COL28A1: variants seen among roughly 807,000 people sequenced by gnomAD.
COL28A1 encodes the protein collagen type XXVIII alpha 1 chain.
A neutral mutation model predicts 150.2 loss-of-function variants in COL28A1; 161 were observed. The observed-to-expected ratio is 1.07, with a 90% CI of 0.94 to 1.22. COL28A1 has a LOEUF of 1.22. Among genes scored for constraint, COL28A1 ranks in the 50% most tolerant of loss-of-function variants. The pLI, the probability that COL28A1 is intolerant of heterozygous loss-of-function variation, is 0.00. For synonymous variants in COL28A1, 552 were observed against 469.7 expected (o/e 1.18, Z -2.26); for missense variants, 1,617 against 1,388.3 (o/e 1.16, Z -2.62).
intron 27 of COL28A1, among the ~76,000 whole-genome samples, chr7:7,387,730 A>G (rs1038230554): frequency 1.3e-5 from 2 of 152,222 alleles, no homozygotes; most frequent in African/African-American, 4.8e-5. Context: ...TCAAAATAAA[A>G]GTTAAACATT....
At chr7:7,537,445 T>C (rs1782683634), upstream of COL28A1, among the ~76,000 whole-genome samples, 2 of 152,220 alleles carry the variant, frequency 1.3e-5, no homozygotes, top group South Asian at 4.1e-4. Context: ...AAAATGACAT[T>C]GAACAAAATA....
intron 27 of COL28A1, among the ~76,000 whole-genome samples, chr7:7,408,129 G>A (rs745790094): frequency 4.6e-5 from 7 of 151,784 alleles, no homozygotes; most frequent in Non-Finnish European, 8.8e-5. Context: ...CTTTCTTAGA[G>A]CAGGGTAGGC....
intron 6 of COL28A1, among the ~76,000 whole-genome samples, chr7:7,518,740 C>A (rs1233404104): frequency 6.6e-6 from 1 of 152,032 alleles, no homozygotes; most frequent in Non-Finnish European, 1.5e-5. Context: ...TTTTAAACGT[C>A]AAAACACACA....
intron 33 of COL28A1, among the ~76,000 whole-genome samples, chr7:7,369,603 A>G (rs948010866): frequency 6.6e-6 from 1 of 152,198 alleles, no homozygotes; most frequent in African/African-American, 2.4e-5. Flanking sequence ...GTTGGTTACT[A>G]TTTAATCAAA....
chr7:7,399,206 T>C (rs915099850), intron 27 of COL28A1, among the ~76,000 whole-genome samples: 1 of 152,148 alleles, frequency 6.6e-6, no homozygotes, highest in Non-Finnish European at 1.5e-5. Flanking sequence ...ATTCTTTTTG[T>C]GTTCTGACCT....
intron 11 of COL28A1, among the ~76,000 whole-genome samples, chr7:7,504,455 A>G (rs1780699076): frequency 6.6e-6 from 1 of 152,190 alleles, no homozygotes; most frequent in East Asian, 1.9e-4. Flanking sequence ...GGTTATGATC[A>G]TGCCACTGTA....
At chr7:7,506,774 G>C (rs1365676718) in intron 10 of COL28A1, among the ~76,000 whole-genome samples, 1 of 152,074 alleles carries the variant, frequency 6.6e-6, no homozygotes, top group African/African-American at 2.4e-5. Context: ...CTACATTATA[G>C]TAGCAGTGCA....
At position 7,370,762 on chromosome 7, in the gene COL28A1, T is replaced by C. The variant is rs2128282987; in HGVS notation, c.3029A>G (p.Glu1010Gly). 1 of 1,613,848 alleles carries C rather than the reference T, an allele frequency of 6.2e-7. No individual in the cohort carries two copies. Among genetic ancestry groups the C allele is most frequent in the South Asian group, 1.1e-5 (1 of 91,004 alleles). Reference sequence around the variant, plus strand: ...TTCTTTTTGAGGCTCTGGAGTAGATTCACTGAGTTCTTCCCCTGACATCCC... The same window carrying C: ...TTCTTTTTGAGGCTCTGGAGTAGATCCACTGAGTTCTTCCCCTGACATCCC... ...GFGMSGEELS[E>G]STPEPQKEIS... is the part of the protein sequence containing the mutation. Residue 1010 changes from glutamate (E) to glycine (G), a missense_variant, in exon 33 of 35, where the codon GAA (glutamate) becomes GGA (glycine). Glu to Gly is a moderately conservative substitution (Grantham distance 98). Transcript: ENST00000399429.
At chr7:7,504,861 T>C (rs1274324603) in intron 11 of COL28A1, among the ~76,000 whole-genome samples, 1 of 152,192 alleles carries the variant, frequency 6.6e-6, no homozygotes, top group Non-Finnish European at 1.5e-5. Context: ...AAAATTGTCA[T>C]CTTAGGTAAT....
chr7:7,510,281 T>C (rs1781053540), intron 9 of COL28A1, among the ~76,000 whole-genome samples: 2 of 152,036 alleles, frequency 1.3e-5, no homozygotes, highest in African/African-American at 4.8e-5. Flanking sequence ...CATTATTGAT[T>C]GATTGATTGA....
chr7:7,433,147 T>C lies in COL28A1; in HGVS notation c.1861-447A>G, dbSNP rs573494933. On this transcript the variant is annotated intron_variant, in intron 23 of 34. Transcript: ENST00000399429. ...AAAAGTTGTAAATATTGTTTTACAGTGATGACCTTAGGCATCAAAAACTTT... is the reference window on the plus strand; with the variant it reads ...AAAAGTTGTAAATATTGTTTTACAGCGATGACCTTAGGCATCAAAAACTTT... Among the ~76,000 whole-genome samples, 6 of 152,296 alleles carry C rather than the reference T, an allele frequency of 3.9e-5. No individual in the cohort carries two copies. The South Asian group carries it at 1.2e-3, about 32-fold the overall frequency.
intron 7 of COL28A1, 28 bp downstream of exon 7, chr7:7,517,768 T>C (rs1781496043): frequency 6.2e-7 from 1 of 1,613,144 alleles, no homozygotes. Context: ...ATCACTTTCT[T>C]AGGAAGGCAT....
chr7:7,425,554 C>T lies in COL28A1; in HGVS notation c.1999-5601G>A, dbSNP rs549632015. On this transcript the variant is annotated intron_variant, in intron 25 of 34. Transcript: ENST00000399429. The stretch of plus-strand genomic sequence containing the variant: ...TAATCCTTGGTTTTGCGGTTTACTC[C>T]AATGTGTTAATTGACTTCATTCCAG... 5.3e-5 allele frequency among the ~76,000 whole-genome samples: 8 copies of T among 152,290 alleles called. No homozygotes were observed. In the East Asian group the frequency reaches 1.3e-3, roughly 26 times the overall value.
chr7:7,437,424 T>C lies in COL28A1; in HGVS notation c.1761A>G (p.Gly587=). 1.2e-6 allele frequency: 2 copies of C among 1,613,652 alleles called. No homozygotes were observed. Among genetic ancestry groups the C allele is most frequent in the African/African-American group, 2.7e-5 (2 of 75,032 alleles). The change falls in exon 22 of 35, where the codon GGA becomes GGG. Residue 587 remains glycine, a synonymous_variant. Transcript: ENST00000399429. ...PGIMGPFGMP[G]TSIPGPPGPK... is the part of the protein sequence containing the mutation. ...GCCCAGGTGGTCCAGGAATTGATGT[T>C]CCAGGCATTCCAAAAGGGCCCATAA...
chr7:7,510,067 C>G (rs992690941), intron 9 of COL28A1, among the ~76,000 whole-genome samples: 1 of 152,058 alleles, frequency 6.6e-6, no homozygotes, highest in Non-Finnish European at 1.5e-5. Context: ...CCTTGACTCC[C>G]TTCCAGAATT....
chr7:7,448,259 C>T (rs1786419425), intron 18 of COL28A1, among the ~76,000 whole-genome samples: 1 of 152,000 alleles, frequency 6.6e-6, no homozygotes, highest in Admixed American at 6.6e-5. Context: ...ATAATCACAC[C>T]ACTCAGAACC....
intron 9 of COL28A1, among the ~76,000 whole-genome samples, chr7:7,509,534 A>G (rs1202865703): frequency 2.0e-5 from 3 of 152,154 alleles, no homozygotes; most frequent in Non-Finnish European, 4.4e-5. Flanking sequence ...CAAGGACTCT[A>G]TATCTCATCA....
At chr7:7,383,278 GT>G (rs1781977203) in intron 27 of COL28A1, among the ~76,000 whole-genome samples, 1 of 138,900 alleles carries the variant, frequency 7.2e-6, no homozygotes, top group African/African-American at 2.9e-5. Flanking sequence ...GTGTGTGTGT[GT>G]GTGTGTGTGT....
chr7:7,403,887 C>A (rs1477333491), intron 27 of COL28A1, among the ~76,000 whole-genome samples: 1 of 152,018 alleles, frequency 6.6e-6, no homozygotes, highest in African/African-American at 2.4e-5. Flanking sequence ...CATTCCAGGT[C>A]TCAGCTTTTA....
Sources: allele counts gnomAD v4.1 joint callset (sites outside exome capture counted in the v4.1 genomes callset), GRCh38; gene constraint gnomAD v4.1.1; transcripts MANE v1.5; gene names NCBI Gene and HGNC (gene_info 2026-07-23, HGNC 2026-07-21).